The following MRC2 variants were observed in gnomAD, a reference collection of about 807,000 sequenced individuals.
The protein encoded by MRC2 is mannose receptor C-type 2.
A neutral mutation model predicts 206.2 loss-of-function variants in MRC2; 84 were observed. The observed-to-expected ratio is 0.41, with a 90% confidence interval of 0.34 to 0.49. The LOEUF is 0.49. Among genes scored for constraint, MRC2 ranks in the 20% least tolerant of loss-of-function variants. The pLI is 0.31. For missense variants in MRC2, 1,676 were observed against 2,001.5 expected (o/e 0.84, Z 3.10); for synonymous variants, 798 against 800.0 (o/e 1.00, Z 0.04).
intron 1 of MRC2, among the ~76,000 whole-genome samples, chr17:62,648,378 G>T (rs1265882319): frequency 1.3e-5 from 2 of 152,212 alleles, no homozygotes; most frequent in African/African-American, 2.4e-5. Flanking sequence ...AGGGTCCCAG[G>T]TCAACTCCTC....
intron 23 of MRC2, 97 bp from the exon 24 acceptor site, chr17:62,689,424 CG>C: frequency 2.5e-6 from 2 of 786,666 alleles, no homozygotes; most frequent in Non-Finnish European, 4.1e-6. Context: ...TGGTGGAGAC[CG>C]GGTCTTTGCC....
chr17:62,654,983 A>C (rs1366840593), intron 1 of MRC2, among the ~76,000 whole-genome samples: 1 of 152,176 alleles, frequency 6.6e-6, no homozygotes, highest in East Asian at 1.9e-4. Context: ...GTCTCTACAA[A>C]AAGTAAAAAC....
intron 1 of MRC2, among the ~76,000 whole-genome samples, chr17:62,639,958 A>G (rs1002810030): frequency 1.3e-5 from 2 of 149,066 alleles, no homozygotes; most frequent in African/African-American, 5.0e-5. Context: ...GGTTGAAGCA[A>G]TTCTTCTGCC....
chr17:62,657,502 A>G (rs1003461269), intron 1 of MRC2, among the ~76,000 whole-genome samples: 3 of 152,216 alleles, frequency 2.0e-5, no homozygotes, highest in South Asian at 2.1e-4. Context: ...GATTGCCTAC[A>G]AAATGCAAGA....
intron 1 of MRC2, among the ~76,000 whole-genome samples, chr17:62,643,712 C>G (rs1258067094): frequency 6.6e-6 from 1 of 151,916 alleles, no homozygotes; most frequent in Admixed American, 6.6e-5. Context: ...GCAACAGTGC[C>G]AGGAAAGATT....
Position 62,676,385 on chromosome 17 carries a change from T to C in MRC2, c.1688T>C (p.Phe563Ser), listed in dbSNP as rs923017123. The change falls in exon 11 of 30, where the codon TTC becomes TCC. Residue 563 changes from phenylalanine to serine, a missense_variant and splice_region_variant. Around this residue, in one of 3 missense-constraint regions of MRC2, gnomAD observed 1,354 missense variants for 1,636.6 expected, o/e 0.83. Coordinates refer to ENST00000303375, the MANE Select transcript of MRC2 (RefSeq NM_006039.5). The part of the protein sequence containing the change: ...GSQLVTITNR[F>S]EQAFVSSLIY... ...CCTGACCAGCCTGTCTCCTGAAGGT[T>C]CGAGCAGGCCTTCGTCAGCAGCCTC... The C allele has an allele frequency of 1.2e-6, 2 of 1,613,694 alleles. No homozygotes were observed. The highest frequency in any genetic ancestry group is 1.7e-6 in the Non-Finnish European group (2 of 1,179,820).
chr17:62,689,616 G>C lies in MRC2; in HGVS notation c.3429G>C (p.Pro1143=). The change falls in exon 24 of 30, where the codon CCG becomes CCC. Residue 1143 remains proline (P), a synonymous_variant. Coordinates refer to ENST00000303375, the MANE Select transcript of MRC2 (RefSeq NM_006039.5). The part of the protein sequence containing the change: ...LNGTFRLLQK[P]LRWHDALLLC... ...GCACCTTCCGGCTGCTTCAGAAGCC[G>C]CTGCGCTGGCACGATGCCCTCCTGC... The C allele has an allele frequency of 6.2e-7, 1 of 1,602,994 alleles. No homozygotes were observed.
intron 6 of MRC2, among the ~76,000 whole-genome samples, chr17:62,669,213 GT>G (rs2088796103): frequency 1.3e-5 from 2 of 151,822 alleles, no homozygotes; most frequent in South Asian, 2.1e-4. Context: ...CTCAGGACTG[GT>G]TTTTTTGTTT....
Position 62,688,581 on chromosome 17 carries a change from G to A in MRC2, c.3142G>A (p.Val1048Met). 1.2e-6 allele frequency: 2 copies of A among 1,614,244 alleles called. No homozygotes were observed. ...TGCCTCGCAGAGGGACTTCCAGTGG[G>A]TGGAGCAGGAGCCTTTGATGTATGC... ...LHASQRDFQW[V>M]EQEPLMYANW... The change falls in exon 22 of 30, where the codon GTG (valine) becomes ATG (methionine). Residue 1048 changes from valine (V) to methionine (M), a missense_variant. By Grantham distance (21) the Val-to-Met change is conservative. This residue lies in a region of MRC2 where 1,354 missense variants were observed against 1,636.6 expected (regional missense o/e 0.83). Coordinates refer to ENST00000303375, the MANE Select transcript of MRC2 (RefSeq NM_006039.5).
At position 62,674,119 on chromosome 17, in the gene MRC2, G is replaced by A. The variant is rs772212338; in HGVS notation, c.1518G>A (p.Lys506=). 7 of 1,556,444 alleles carry A rather than the reference G, an allele frequency of 4.5e-6. No homozygotes were observed. Among genetic ancestry groups the A allele is most frequent in the Non-Finnish European group, 5.2e-6 (6 of 1,149,794 alleles). ...AGTCCTTGCCATCCATCTGCAAGAA[G>A]GCAGGCCAGCTGAGCCAGGGGGCCG... ...CNQSLPSICK[K]AGQLSQGAAE... is the part of the protein sequence containing the mutation. Residue 506 remains lysine, a synonymous_variant, in exon 9 of 30, where the codon AAG becomes AAA. Transcript: ENST00000303375.
Position 62,678,525 on chromosome 17 carries a change from C to T in MRC2, c.2074C>T (p.Gln692Ter). The T allele has an allele frequency of 6.2e-7, 1 of 1,612,216 alleles. No individual in the cohort carries two copies. Among genetic ancestry groups the T allele is most frequent in the Non-Finnish European group, 8.5e-7 (1 of 1,179,350 alleles). ...GCAGGTGTTCAGCTCAGAGCGGCTG[C>T]AGGACAAGAAGAGCTGGGTCCAGGC... is the stretch of plus-strand genomic sequence containing the variant. ...CYKVFSSERL[Q>*]DKKSWVQAQG... Residue 692 changes from glutamine to a stop codon, truncating the protein, a stop_gained, in exon 13 of 30, where the codon CAG (glutamine) becomes TAG (stop). Transcript: ENST00000303375. LOFTEE classifies it high-confidence loss of function.
rs1391982551 is a variant in MRC2, at chr17:62,680,729, G to A, written c.2474-71G>A. On this transcript the variant is annotated intron_variant, in intron 16 of 29. Coordinates refer to ENST00000303375, the MANE Select transcript of MRC2 (RefSeq NM_006039.5). This position sits in a 1 kb window ranked among gnomAD's most constrained non-coding sequence, Gnocchi z 4.8. Reference sequence around the variant, plus strand: ...CGCCTGGCTCTGCCCCGGCCCTGCCGCGCCCGCCTCCGGGGCCTGGCGTGC... The same window carrying A: ...CGCCTGGCTCTGCCCCGGCCCTGCCACGCCCGCCTCCGGGGCCTGGCGTGC... 4.3e-6 allele frequency: 6 copies of A among 1,410,352 alleles called. No homozygotes were observed. The East Asian group carries it at 1.1e-4, about 26-fold the overall frequency. 87.4% of individuals were successfully genotyped at this position (1,410,352 alleles called of 1,614,324 possible).
intron 1 of MRC2, among the ~76,000 whole-genome samples, chr17:62,640,618 AT>A (rs2088389436): frequency 6.6e-6 from 1 of 151,762 alleles, no homozygotes; most frequent in Admixed American, 6.6e-5. Flanking sequence ...GGCTGAAGTG[AT>A]CTTCCCCCCT....
chr17:62,689,046 T>C (rs1212744118), intron 23 of MRC2, 86 bp downstream of exon 23: 3 of 1,100,922 alleles, frequency 2.7e-6, no homozygotes, highest in South Asian at 2.7e-5. Context: ...GAAGGAATCA[T>C]GGTCCCTGGC....
rs889632718 is a variant in MRC2 at position 62,650,750 on chromosome 17, G to A, written c.119-13798G>A. Among the ~76,000 whole-genome samples, 2 of 152,204 alleles carry A rather than the reference G, an allele frequency of 1.3e-5. 1 individual carries two copies. The highest frequency in any genetic ancestry group is 1.3e-4 in the Admixed American group (2 of 15,272). ...ATGGTTAATGCCTGGCATTCTTTGT[G>A]TCTCTTTTTACAAGCGCAGGGTGAC... On this transcript the variant is annotated intron_variant, in intron 1 of 29. Transcript: ENST00000303375.
At chr17:62,629,729 G>T (rs1252680051) in intron 1 of MRC2, among the ~76,000 whole-genome samples, 1 of 152,248 alleles carries the variant, frequency 6.6e-6, no homozygotes, top group East Asian at 1.9e-4. Context: ...CTTGCCCGAA[G>T]AGCTGGCAGC....
chr17:62,680,263 A>C lies in MRC2; in HGVS notation c.2392A>C (p.Met798Leu). The C allele has an allele frequency of 6.2e-7, 1 of 1,614,074 alleles. No individual in the cohort carries two copies. The highest frequency in any genetic ancestry group is 8.5e-7 in the Non-Finnish European group (1 of 1,179,976). ...CCTGGCCTCCCTGCAGTGGGTGGCCATGCAGTGCGACACACAGCTGGACTG... is the reference window on the plus strand; with the variant it reads ...CCTGGCCTCCCTGCAGTGGGTGGCCCTGCAGTGCGACACACAGCTGGACTG... ...LDLASLQWVA[M>L]QCDTQLDWIC... Residue 798 changes from methionine to leucine, a missense_variant, in exon 15 of 30, where the codon ATG becomes CTG. Met to Leu is a conservative substitution (Grantham distance 15, BLOSUM62 2). Around this residue, in one of 3 missense-constraint regions of MRC2, gnomAD observed 1,354 missense variants for 1,636.6 expected, o/e 0.83. Coordinates refer to ENST00000303375, the MANE Select transcript of MRC2 (RefSeq NM_006039.5). This position sits in a 1 kb window ranked among gnomAD's most constrained non-coding sequence, Gnocchi z 4.8.
In MRC2 at chr17:62,677,477, T is replaced by C. The variant is rs975656741; in HGVS notation, c.2043T>C (p.Tyr681=). The change falls in exon 12 of 30, where the codon TAT becomes TAC. Residue 681 remains tyrosine, a synonymous_variant. Transcript: ENST00000303375. ...QGWASDTKLR[Y]CYKVFSSERL... is the part of the protein sequence containing the mutation. ...GGGCCTCGGACACCAAACTCCGGTA[T>C]TGCTATAAGGTAGGGCAGCCTGTTG... 2 of 1,604,434 alleles carry C rather than the reference T, an allele frequency of 1.2e-6. No individual in the cohort carries two copies. Among genetic ancestry groups the C allele is most frequent in the African/African-American group, 1.3e-5 (1 of 74,768 alleles).
chr17:62,653,834 C>T (rs1201313828), intron 1 of MRC2, among the ~76,000 whole-genome samples: 3 of 151,938 alleles, frequency 2.0e-5, no homozygotes, highest in Non-Finnish European at 4.4e-5. Flanking sequence ...CACAGTTGGG[C>T]GGGGTATTGG....
Sources: gnomAD v4.1 joint callset for allele counts (sites outside exome capture counted in the v4.1 genomes callset) on GRCh38, gnomAD v4.1.1 for gene constraint, gnomAD v4.1.1 regional missense constraint, Gnocchi (gnomAD v3.1) non-coding constraint, MANE v1.5 for transcripts, NCBI Gene and HGNC (gene_info 2026-07-23, HGNC 2026-07-21) for gene names.